Variants in GRM8 observed in about 807,000 individuals in gnomAD.
GRM8 encodes the protein glutamate metabotropic receptor 8.
GRM8 carries 47 observed loss-of-function variants against 87.2 expected under a neutral mutation model. That is an observed-to-expected ratio of 0.54 (90% CI 0.43 to 0.69). The LOEUF is 0.69. GRM8 is among the 30% of genes least tolerant of loss of function. The pLI, the probability that GRM8 is intolerant of heterozygous loss-of-function variation, is 0.00. For missense variants in GRM8, 1,019 were observed against 1,139.2 expected (o/e 0.89, Z 1.52); for synonymous variants, 396 against 404.5 (o/e 0.98, Z 0.25).
At chr7:126,483,784 C>T (rs1456312517) in intron 9 of GRM8, among the ~76,000 whole-genome samples, 1 of 130,138 alleles carries the variant, frequency 7.7e-6, no homozygotes, top group Non-Finnish European at 1.6e-5. Context: ...TTCCTCCCCT[C>T]CTCCCTTCCT....
At chr7:127,038,393 G>A (rs767882499) in intron 3 of GRM8, among the ~76,000 whole-genome samples, 1 of 152,102 alleles carries the variant, frequency 6.6e-6, no homozygotes, top group Non-Finnish European at 1.5e-5. Flanking sequence ...AAGAAAATGA[G>A]CTTTGAACTT....
At chr7:126,791,971 G>C (rs7796521) in intron 6 of GRM8, among the ~76,000 whole-genome samples, 3,380 of 152,250 alleles carry the variant, frequency 0.022, 135 homozygotes, top group African/African-American at 0.077. Context: ...CTGAAATCAG[G>C]AGTGCCTGGT....
chr7:127,140,853 G>T (rs530054778), intron 2 of GRM8, among the ~76,000 whole-genome samples: 26 of 152,066 alleles, frequency 1.7e-4, no homozygotes, highest in African/African-American at 5.8e-4. Flanking sequence ...TGCAGACAAA[G>T]TCTCCATTTA....
chr7:126,476,327 G>A lies in GRM8; in HGVS notation c.2431-29955C>T, dbSNP rs114983225. Among the ~76,000 whole-genome samples, 1,149 of 152,222 alleles carry A rather than the reference G, an allele frequency of 7.5e-3. 13 individuals carry two copies. The highest frequency in any genetic ancestry group is 0.026 in the African/African-American group (1,091 of 41,536). ...TTCCAGCTAAGAGGCTGAGGTAGGC[G>A]GGTTACTTGAGCCCAGGGGTTCGAG... On this transcript the variant is annotated intron_variant, in intron 9 of 10. Coordinates refer to ENST00000339582, the MANE Select transcript of GRM8 (RefSeq NM_000845.3).
chr7:127,236,396 A>C (rs1022651119), intron 2 of GRM8, among the ~76,000 whole-genome samples: 1 of 152,232 alleles, frequency 6.6e-6, no homozygotes, highest in Non-Finnish European at 1.5e-5. Context: ...ATTGACTCAC[A>C]GTTCAGCATG....
chr7:126,814,760 TA>T (rs1483012515), intron 6 of GRM8, among the ~76,000 whole-genome samples: 1 of 150,826 alleles, frequency 6.6e-6, no homozygotes. Context: ...GCCATTCTTA[TA>T]TTTTTTTTTT....
intron 9 of GRM8, among the ~76,000 whole-genome samples, chr7:126,477,977 C>T (rs1806195770): frequency 6.6e-6 from 1 of 152,146 alleles, no homozygotes; most frequent in South Asian, 2.1e-4. Flanking sequence ...TTGGTGGCTG[C>T]ATAACTTCAA....
intron 3 of GRM8, among the ~76,000 whole-genome samples, chr7:126,991,654 C>A (rs1006020047): frequency 3.1e-4 from 47 of 151,760 alleles, no homozygotes; most frequent in Non-Finnish European, 6.8e-4. Flanking sequence ...AAAAAGGATG[C>A]AAATAAAAAA....
intron 3 of GRM8, among the ~76,000 whole-genome samples, chr7:127,077,528 A>G (rs1436114889): frequency 1.3e-5 from 2 of 152,134 alleles, no homozygotes; most frequent in East Asian, 3.9e-4. Context: ...TCTGTCCTAT[A>G]TCATATGTGA....
At chr7:127,118,405 A>G (rs889631234) in intron 2 of GRM8, 1 of 152,246 alleles carries the variant, frequency 6.6e-6, no homozygotes, top group Non-Finnish European at 1.5e-5. Flanking sequence ...AGGGCAATAC[A>G]TTAAGTTTCC....
At chr7:126,578,473 A>G (rs1176417751) in intron 8 of GRM8, among the ~76,000 whole-genome samples, 1 of 152,162 alleles carries the variant, frequency 6.6e-6, no homozygotes, top group Non-Finnish European at 1.5e-5. Context: ...TAGCTCCATG[A>G]GCTGAGCTGT....
At chr7:126,742,656 C>G (rs1352287392) in intron 7 of GRM8, among the ~76,000 whole-genome samples, 2 of 151,860 alleles carry the variant, frequency 1.3e-5, no homozygotes, top group Non-Finnish European at 2.9e-5. Flanking sequence ...ACCAAGTCCC[C>G]ATCCAGCAAA....
At chr7:126,938,749 CAAG>C (rs1320656011) in intron 3 of GRM8, among the ~76,000 whole-genome samples, 2 of 152,094 alleles carry the variant, frequency 1.3e-5, no homozygotes, top group African/African-American at 4.8e-5. Flanking sequence ...TTGATCAACT[CAAG>C]AAGGAATCCC....
At chr7:126,847,413 G>A (rs1242145216) in intron 6 of GRM8, among the ~76,000 whole-genome samples, 1 of 152,134 alleles carries the variant, frequency 6.6e-6, no homozygotes, top group Non-Finnish European at 1.5e-5. Context: ...AACTGAATGA[G>A]CAACAGCAAA....
intron 9 of GRM8, among the ~76,000 whole-genome samples, chr7:126,532,285 A>C (rs1051899220): frequency 6.6e-6 from 1 of 152,232 alleles, no homozygotes; most frequent in Non-Finnish European, 1.5e-5. Flanking sequence ...ATAATTGTCC[A>C]TGATTGCCTT....
At chr7:126,561,488 A>G (rs1793691686) in intron 8 of GRM8, among the ~76,000 whole-genome samples, 1 of 152,020 alleles carries the variant, frequency 6.6e-6, no homozygotes, top group Non-Finnish European at 1.5e-5. Context: ...AGGTAGTAAA[A>G]TAAAAACCAA....
chr7:126,568,149 G>C (rs1251233270), intron 8 of GRM8, among the ~76,000 whole-genome samples: 2 of 152,072 alleles, frequency 1.3e-5, no homozygotes, highest in African/African-American at 4.8e-5. Context: ...CTCAAAGTTG[G>C]AAAGAAAAAC....
chr7:126,508,626 G>A (rs937541057), intron 9 of GRM8, among the ~76,000 whole-genome samples: 41 of 152,012 alleles, frequency 2.7e-4, no homozygotes, highest in African/African-American at 9.7e-4. Flanking sequence ...AATATTTAGA[G>A]AAAAGCTTAT....
chr7:126,514,294 G>C (rs1442849978), intron 9 of GRM8, among the ~76,000 whole-genome samples: 1 of 152,052 alleles, frequency 6.6e-6, no homozygotes, highest in Non-Finnish European at 1.5e-5. Flanking sequence ...ATTTCTATGT[G>C]GTTTTATAGG....
Sources: allele counts gnomAD v4.1 joint callset (sites outside exome capture counted in the v4.1 genomes callset), GRCh38; gene constraint gnomAD v4.1.1; transcripts MANE v1.5; gene names NCBI Gene and HGNC (gene_info 2026-07-23, HGNC 2026-07-21).